The following EFNA5 variants were observed in gnomAD, a reference collection of about 807,000 sequenced individuals.
EFNA5 encodes ephrin A5, also known as ephrin-A5.
Under a neutral mutation model 22.9 loss-of-function variants are expected in EFNA5, and 5 were observed. The ratio of observed to expected loss-of-function variants is 0.22; its 90% CI spans 0.11 to 0.46. EFNA5 has a LOEUF of 0.46. Among genes scored for constraint, EFNA5 ranks in the 20% least tolerant of loss-of-function variants. EFNA5 has a pLI of 0.99. For synonymous variants in EFNA5, 113 were observed against 112.2 expected (o/e 1.01, Z -0.04); for missense variants, 237 against 293.3 (o/e 0.81, Z 1.40).
intron 1 of EFNA5, among the ~76,000 whole-genome samples, chr5:107,526,113 A>G (rs904337369): frequency 6.6e-6 from 1 of 152,220 alleles, no homozygotes. Flanking sequence ...AGAAATCAAC[A>G]GAAACTTATC....
intron 2 of EFNA5, among the ~76,000 whole-genome samples, chr5:107,415,878 A>G (rs1365966408): frequency 6.6e-6 from 1 of 152,222 alleles, no homozygotes; most frequent in Non-Finnish European, 1.5e-5. Flanking sequence ...AAGGTAAGGC[A>G]ATCCCTGGCA....
chr5:107,533,078 T>C (rs1747853099), intron 1 of EFNA5, among the ~76,000 whole-genome samples: 1 of 152,168 alleles, frequency 6.6e-6, no homozygotes, highest in African/African-American at 2.4e-5. Context: ...TTTCCTGTAT[T>C]GGATGCCTTA....
intron 2 of EFNA5, among the ~76,000 whole-genome samples, chr5:107,406,934 A>T (rs571358907): frequency 4.6e-5 from 7 of 152,352 alleles, no homozygotes; most frequent in African/African-American, 1.7e-4. Flanking sequence ...GAAAAAAGTG[A>T]AATAAAAAGT....
chr5:107,670,749 C>T lies in EFNA5; in HGVS notation c.-136G>A. ...ATGAATAAATAAAAATGAAAGTGGG[C>T]GAGAAAGGAAAGAGGCGCCCACCAA... On this transcript the variant is annotated 5_prime_UTR_variant, in exon 1 of 5. Transcript: ENST00000333274. 7 of 1,271,682 alleles carry T rather than the reference C, an allele frequency of 5.5e-6. No individual in the cohort carries two copies. Among genetic ancestry groups the T allele is most frequent in the South Asian group, 1.4e-5 (1 of 69,724 alleles). The allele number at this position is 1,271,682 out of a possible 1,614,324, so 78.8% of individuals were successfully genotyped here.
intron 1 of EFNA5, among the ~76,000 whole-genome samples, chr5:107,430,310 C>T (rs551439485): frequency 6.6e-6 from 1 of 152,154 alleles, no homozygotes; most frequent in East Asian, 1.9e-4. Flanking sequence ...GGATAAGAGC[C>T]AGACAAGAAC....
intron 2 of EFNA5, among the ~76,000 whole-genome samples, chr5:107,408,903 T>A (rs908182407): frequency 3.3e-5 from 5 of 151,670 alleles, no homozygotes; most frequent in Non-Finnish European, 5.9e-5. Context: ...AAGAGTAAAA[T>A]ACAAAATTTG....
intron 1 of EFNA5, among the ~76,000 whole-genome samples, chr5:107,577,142 C>A (rs1255564146): frequency 6.6e-6 from 1 of 152,144 alleles, no homozygotes; most frequent in African/African-American, 2.4e-5. Flanking sequence ...CTTTCACCTG[C>A]AAAATGACTA....
At chr5:107,389,418 TATTC>T (rs1210719403) in intron 2 of EFNA5, among the ~76,000 whole-genome samples, 1 of 152,206 alleles carries the variant, frequency 6.6e-6, no homozygotes, top group African/African-American at 2.4e-5. Flanking sequence ...GTATATGTCT[TATTC>T]ATGAGAGTTA....
At chr5:107,594,323 C>T (rs1442915284) in intron 1 of EFNA5, among the ~76,000 whole-genome samples, 1 of 152,042 alleles carries the variant, frequency 6.6e-6, no homozygotes, top group Non-Finnish European at 1.5e-5. Context: ...ACACCAGGCT[C>T]ATAATGAGGG....
chr5:107,461,969 C>T (rs756427688), intron 1 of EFNA5, among the ~76,000 whole-genome samples: 5 of 152,160 alleles, frequency 3.3e-5, no homozygotes, highest in Admixed American at 6.6e-5. Context: ...CTTCAGGCTA[C>T]ACATTAACTA....
intron 1 of EFNA5, among the ~76,000 whole-genome samples, chr5:107,529,632 T>C (rs757238106): frequency 2.0e-5 from 3 of 152,214 alleles, no homozygotes; most frequent in Non-Finnish European, 2.9e-5. Flanking sequence ...TTTGGTGCCA[T>C]TCCACATGAT....
intron 1 of EFNA5, among the ~76,000 whole-genome samples, chr5:107,591,452 C>T (rs1388463008): frequency 6.6e-6 from 1 of 152,050 alleles, no homozygotes; most frequent in Non-Finnish European, 1.5e-5. Flanking sequence ...CTTTGTGTTA[C>T]CTGCTTTGCC....
intron 1 of EFNA5, among the ~76,000 whole-genome samples, chr5:107,618,878 C>T (rs930020116): frequency 1.3e-5 from 2 of 152,174 alleles, no homozygotes; most frequent in South Asian, 2.1e-4. Flanking sequence ...TACCCATAAT[C>T]ATTCCTCTTC....
chr5:107,481,490 G>A (rs766007435), intron 1 of EFNA5, among the ~76,000 whole-genome samples: 1 of 152,210 alleles, frequency 6.6e-6, no homozygotes, highest in Non-Finnish European at 1.5e-5. Context: ...CTGACCAGGA[G>A]ATCTGGGAAT....
intron 1 of EFNA5, among the ~76,000 whole-genome samples, chr5:107,469,530 A>C (rs919519782): frequency 1.3e-5 from 2 of 152,164 alleles, no homozygotes; most frequent in Middle Eastern, 3.2e-3. Flanking sequence ...CAATCATCTG[A>C]AAGTCAAGGC....
intron 1 of EFNA5, among the ~76,000 whole-genome samples, chr5:107,463,036 T>G (rs1350572438): frequency 6.6e-6 from 1 of 152,130 alleles, no homozygotes; most frequent in Non-Finnish European, 1.5e-5. Flanking sequence ...AGGGTTCAGT[T>G]TCCTCATCTA....
At chr5:107,575,037 G>T (rs532961101) in intron 1 of EFNA5, among the ~76,000 whole-genome samples, 1 of 152,136 alleles carries the variant, frequency 6.6e-6, no homozygotes, top group Non-Finnish European at 1.5e-5. Context: ...TGATGCTAAC[G>T]TGAAAAACCA....
chr5:107,462,659 A>G (rs879698133), intron 1 of EFNA5, among the ~76,000 whole-genome samples: 5 of 152,142 alleles, frequency 3.3e-5, no homozygotes, highest in Non-Finnish European at 7.4e-5. Flanking sequence ...TAGAGATGAA[A>G]ACACCTGGCA....
intron 2 of EFNA5, among the ~76,000 whole-genome samples, chr5:107,391,331 C>A (rs1200044960): frequency 6.6e-6 from 1 of 152,096 alleles, no homozygotes; most frequent in African/African-American, 2.4e-5. Flanking sequence ...CATGTGACAA[C>A]TGAGGTTTAC....
Sources: allele counts gnomAD v4.1 joint callset (sites outside exome capture counted in the v4.1 genomes callset), GRCh38; gene constraint gnomAD v4.1.1; transcripts MANE v1.5; gene names NCBI Gene and HGNC (gene_info 2026-07-23, HGNC 2026-07-21).